The following LMNA variants were observed in gnomAD, a reference collection of about 807,000 sequenced individuals.
The protein encoded by LMNA is lamin.
Under a neutral mutation model 70.4 loss-of-function variants are expected in LMNA, and 20 were observed. The observed-to-expected ratio is 0.28, with a 90% confidence interval of 0.20 to 0.41. The LOEUF is 0.41. Ranked by LOEUF, LMNA falls within the 10% of genes least tolerant of loss-of-function variation. The pLI is 1.00. For missense variants in LMNA, 652 were observed against 917.2 expected (o/e 0.71, Z 3.73); for synonymous variants, 339 against 372.8 (o/e 0.91, Z 1.04).
chr1:156,108,205 G>C (rs539607412), intron 3 of LMNA, among the ~76,000 whole-genome samples: 4 of 152,178 alleles, frequency 2.6e-5, no homozygotes, highest in African/African-American at 9.6e-5. Context: ...GAGTAGGCAC[G>C]GTCTTCCACT....
upstream of LMNA, among the ~76,000 whole-genome samples, chr1:156,110,957 C>G (rs911763685): frequency 1.3e-5 from 2 of 152,004 alleles, no homozygotes; most frequent in Non-Finnish European, 1.5e-5. Context: ...GCCTGGGCAA[C>G]AGAGCGAGAC....
chr1:156,126,788 C>G (rs926676681), intron 1 of LMNA: 11 of 1,604,162 alleles, frequency 6.9e-6, no homozygotes, highest in African/African-American at 1.3e-5. Flanking sequence ...CTTCTCGCCT[C>G]AAGAGGCCAC....
At position 156,115,174 on chromosome 1, in the gene LMNA, G is replaced by T. The variant is rs1649732098; in HGVS notation, c.256G>T (p.Gly86Trp). 1 of 1,612,536 alleles carries T rather than the reference G, an allele frequency of 6.2e-7. No individual in the cohort carries two copies. Among genetic ancestry groups the T allele is most frequent in the Non-Finnish European group, 8.5e-7 (1 of 1,179,540 alleles). Residue 86 changes from glycine to tryptophan, a missense_variant, in exon 1 of 12, where the codon GGG becomes TGG. Coordinates refer to ENST00000368300, the MANE Select transcript of LMNA (RefSeq NM_170707.4). This position sits in a 1 kb window ranked among gnomAD's most constrained non-coding sequence, Gnocchi z 5.8. ...CAAGGCCGCCTACGAGGCCGAGCTC[G>T]GGGATGCCCGCAAGACCCTTGACTC... is the stretch of plus-strand genomic sequence containing the variant. ...GIKAAYEAEL[G>W]DARKTLDSVA... is the part of the protein sequence containing the mutation.
intron 3 of LMNA, among the ~76,000 whole-genome samples, chr1:156,102,641 T>TG (rs1346499023): frequency 3.3e-5 from 5 of 152,144 alleles, no homozygotes; most frequent in African/African-American, 1.2e-4. Context: ...CAGCCCCTCC[T>TG]GGGCGCCTCT....
chr1:156,123,586 A>G (rs1345462304), intron 1 of LMNA, among the ~76,000 whole-genome samples: 2 of 151,688 alleles, frequency 1.3e-5, no homozygotes, highest in South Asian at 2.1e-4. Flanking sequence ...AGGACATTCT[A>G]CTATCTTCTT....
intron 1 of LMNA, among the ~76,000 whole-genome samples, chr1:156,116,560 A>G (rs912347262): frequency 1.3e-5 from 2 of 151,882 alleles, no homozygotes; most frequent in Non-Finnish European, 2.9e-5. Flanking sequence ...ATCTACTCCA[A>G]ACTTCTGCTC....
chr1:156,117,333 C>A (rs905125286), intron 1 of LMNA, among the ~76,000 whole-genome samples: 1 of 151,960 alleles, frequency 6.6e-6, no homozygotes, highest in Non-Finnish European at 1.5e-5. Context: ...CTCCCAGGTT[C>A]AAGCCATGCT....
upstream of LMNA, among the ~76,000 whole-genome samples, chr1:156,114,373 C>T (rs1649656974): frequency 6.6e-6 from 1 of 152,190 alleles, no homozygotes; most frequent in Non-Finnish European, 1.5e-5. Flanking sequence ...CCTTGCTTTG[C>T]GCCCACTTCC....
Position 156,138,396 on chromosome 1 carries a change from G to A in LMNA, c.1699-92G>A, listed in dbSNP as rs146365350. 493 of 1,432,458 alleles carry A rather than the reference G, an allele frequency of 3.4e-4. 2 individuals are homozygous for A. The African/African-American group carries it at 5.9e-3, about 17-fold the overall frequency. The allele number at this position is 1,432,458 out of a possible 1,614,324, so 88.7% of individuals were successfully genotyped here. ...ACAGAACCACACCTTCCTGCCTGGC[G>A]GCTGGGAGCCTGCAGGAGCCTGGAG... On this transcript the variant is annotated intron_variant, in intron 10 of 11. Coordinates refer to ENST00000368300, the MANE Select transcript of LMNA (RefSeq NM_170707.4). The surrounding 1 kb of genome is among the most constrained non-coding windows in gnomAD (Gnocchi z 5.5).
Position 156,138,720 on chromosome 1 carries a change from G to T in LMNA, c.1931G>T (p.Arg644Leu). Residue 644 changes from arginine (R) to leucine (L), a missense_variant, in exon 11 of 12, where the codon CGC (arginine) becomes CTC (leucine). Physicochemically the swap from Arg to Leu is moderately radical, Grantham distance 102. Transcript: ENST00000368300. This position sits in a 1 kb window ranked among gnomAD's most constrained non-coding sequence, Gnocchi z 5.5. ...GGSFGDNLVT[R>L]SYLLGNSSPR... The stretch of plus-strand genomic sequence containing the variant: ...AGCTTCGGGGACAATCTGGTCACCC[G>T]CTCCTACCTCCTGGGCAACTCCAGC... 6.2e-7 allele frequency: 1 copy of T among 1,613,426 alleles called. No homozygotes were observed. The highest frequency in any genetic ancestry group is 2.2e-5 in the East Asian group (1 of 44,858).
chr1:156,095,417 C>T (rs1648897970), intron 3 of LMNA, among the ~76,000 whole-genome samples: 1 of 152,014 alleles, frequency 6.6e-6, no homozygotes, highest in Non-Finnish European at 1.5e-5. Flanking sequence ...GAGTCACTCC[C>T]CATCTCAGTT....
chr1:156,085,948 T>C (rs1464616204), intron 2 of LMNA, among the ~76,000 whole-genome samples: 4 of 152,120 alleles, frequency 2.6e-5, no homozygotes, highest in African/African-American at 9.7e-5. Context: ...CGCAGCTACT[T>C]GGGAGGCTGA....
rs1218938464 is a variant in LMNA at position 156,114,864 on chromosome 1, C to T, written c.-55C>T. The T allele has an allele frequency of 7.8e-7, 1 of 1,276,112 alleles. No homozygotes were observed. The highest frequency in any genetic ancestry group is 1.5e-5 in the African/African-American group (1 of 66,856). 79.0% of individuals were successfully genotyped at this position (1,276,112 alleles called of 1,614,324 possible). On this transcript the variant is annotated 5_prime_UTR_variant, in exon 1 of 12. Transcript: ENST00000368300. ...GCAGTCTCTGTCCTTCGACCCGAGC[C>T]CCGCGCCCTTTCCGGGACCCCTGCC...
At position 156,135,896 on chromosome 1, in the gene LMNA, T is replaced by G. The variant is rs1001248677; in HGVS notation, c.937-5T>G. The stretch of plus-strand genomic sequence containing the variant: ...AGCTCACCAAACCCTCCCACCCCCC[T>G]TCAGCTGGCAGCCAAGGAGGCGAAG... On this transcript the variant is annotated splice_polypyrimidine_tract_variant and splice_region_variant and intron_variant, in intron 5 of 11. Coordinates refer to ENST00000368300, the MANE Select transcript of LMNA (RefSeq NM_170707.4). This position sits in a 1 kb window ranked among gnomAD's most constrained non-coding sequence, Gnocchi z 4.8. 8.2e-6 allele frequency: 10 copies of G among 1,222,536 alleles called. No homozygotes were observed. The highest frequency in any genetic ancestry group is 1.2e-5 in the Non-Finnish European group (10 of 841,506). 75.7% of individuals were successfully genotyped at this position (1,222,536 alleles called of 1,614,324 possible). A position where few individuals can be genotyped will look rare whatever the true frequency, so the allele number is the denominator to read the frequency against.
rs751431601 is a variant in LMNA, at chr1:156,114,961, C to CAGG, written c.44_46dup (p.Gln15_Ala16insGlu). On this transcript the variant is annotated inframe_insertion, in exon 1 of 12. Coordinates refer to ENST00000368300, the MANE Select transcript of LMNA (RefSeq NM_170707.4). ...GCGGCGCGCCACCCGCAGCGGGGCG[C>CAGG]AGGCCAGCTCCACTCCGCTGTCGCC... 1 of 1,583,788 alleles carries CAGG rather than the reference C, an allele frequency of 6.3e-7. No homozygotes were observed.
chr1:156,105,374 A>G (rs1200651768), intron 3 of LMNA, among the ~76,000 whole-genome samples: 2 of 146,218 alleles, frequency 1.4e-5, no homozygotes, highest in African/African-American at 5.3e-5. Context: ...TCCCTTCCCC[A>G]TCCCACAGGG....
At chr1:156,092,071 C>T (rs1218008088) in intron 3 of LMNA, among the ~76,000 whole-genome samples, 1 of 151,986 alleles carries the variant, frequency 6.6e-6, no homozygotes, top group Non-Finnish European at 1.5e-5. Flanking sequence ...GTATGCATCA[C>T]CACACCGGGC....
At chr1:156,113,998 T>C (rs533797831), upstream of LMNA, among the ~76,000 whole-genome samples, 2 of 152,188 alleles carry the variant, frequency 1.3e-5, no homozygotes, top group South Asian at 4.2e-4. Flanking sequence ...TGTGGCTTGT[T>C]GCTTGGGTCT....
At chr1:156,084,173 G>A (rs1487881060) in intron 2 of LMNA, among the ~76,000 whole-genome samples, 1 of 152,158 alleles carries the variant, frequency 6.6e-6, no homozygotes, top group East Asian at 1.9e-4. Context: ...GTCCTGCTGA[G>A]AGGCAAGGAA....
Sources: allele counts gnomAD v4.1 joint callset (sites outside exome capture counted in the v4.1 genomes callset), GRCh38; gene constraint gnomAD v4.1.1; non-coding constraint Gnocchi (gnomAD v3.1); transcripts MANE v1.5; gene names NCBI Gene and HGNC (gene_info 2026-07-23, HGNC 2026-07-21).